Variants in DPP4 observed in about 807,000 individuals in gnomAD.
DPP4 encodes the protein dipeptidyl peptidase 4.
Under a neutral mutation model 122.4 loss-of-function variants are expected in DPP4, and 93 were observed. The ratio of observed to expected loss-of-function variants is 0.76; its 90% CI spans 0.64 to 0.90. The LOEUF is 0.90. Ranked by LOEUF, DPP4 falls within the 40% of genes least tolerant of loss-of-function variation. The pLI, the probability that DPP4 is intolerant of heterozygous loss-of-function variation, is 0.00. For synonymous variants in DPP4, 321 were observed against 302.9 expected (o/e 1.06, Z -0.62); for missense variants, 914 against 907.3 (o/e 1.01, Z -0.09).
At chr2:162,046,711 T>C (rs1201225573) in intron 4 of DPP4, 2 of 630,520 alleles carry the variant, frequency 3.2e-6, no homozygotes, top group South Asian at 3.0e-5. Flanking sequence ...CATTTAAAAA[T>C]ATGGGCAGAG....
intron 2 of DPP4, among the ~76,000 whole-genome samples, chr2:162,061,828 C>G (rs1444382196): frequency 2.0e-5 from 3 of 152,144 alleles, no homozygotes; most frequent in Non-Finnish European, 4.4e-5. Flanking sequence ...CCTTATGAAG[C>G]TTATATTTTA....
At chr2:162,071,905 A>C (rs1685130593) in intron 2 of DPP4, among the ~76,000 whole-genome samples, 1 of 152,116 alleles carries the variant, frequency 6.6e-6, no homozygotes, top group Non-Finnish European at 1.5e-5. Flanking sequence ...ATTCCTTCCA[A>C]CTTGCTTTAA....
intron 3 of DPP4, 53 bp downstream of exon 3, chr2:162,047,350 T>C (rs2106135606): frequency 1.9e-6 from 2 of 1,068,948 alleles, no homozygotes; most frequent in East Asian, 4.9e-5. Context: ...ACATCTCGAC[T>C]TAACTAGAAT....
intron 20 of DPP4, among the ~76,000 whole-genome samples, chr2:162,010,688 C>T (rs931003468): frequency 6.6e-6 from 1 of 152,100 alleles, no homozygotes; most frequent in Non-Finnish European, 1.5e-5. Flanking sequence ...ATATCAAAGC[C>T]TCACTCTCAA....
chr2:162,038,658 T>G (rs1159556691), intron 7 of DPP4, among the ~76,000 whole-genome samples: 1 of 152,082 alleles, frequency 6.6e-6, no homozygotes, highest in East Asian at 1.9e-4. Context: ...AGTACATAAC[T>G]ACCACTATTT....
rs769994552 is a variant in DPP4, at chr2:162,009,294, G to T, written c.1834C>A (p.Gln612Lys). 10 of 1,613,618 alleles carry T rather than the reference G, an allele frequency of 6.2e-6. No homozygotes were observed. The East Asian group carries it at 2.0e-4, about 32-fold the overall frequency. Residue 612 changes from glutamine (Q) to lysine (K), a missense_variant and splice_region_variant, in exon 21 of 26, where the codon CAA becomes AAA. Transcript: ENST00000360534. The stretch of plus-strand genomic sequence containing the variant: ...TCCACAAATCCCATTTTTGAAAATT[G>T]TCTAAAACACAAGGAAAAAGTCCAC... ...EVEDQIEAARQFSKMGFVDNK... is the reference protein window; with the variant it reads ...EVEDQIEAARKFSKMGFVDNK...
chr2:162,020,169 G>A (rs1455288239), intron 14 of DPP4, 60 bp downstream of exon 14: 4 of 1,428,782 alleles, frequency 2.8e-6, no homozygotes, highest in African/African-American at 1.4e-5. Flanking sequence ...CTACTTCTGG[G>A]CAAAGAGGGC....
At chr2:162,052,778 C>T (rs1684427085) in intron 2 of DPP4, among the ~76,000 whole-genome samples, 1 of 152,174 alleles carries the variant, frequency 6.6e-6, no homozygotes, top group Non-Finnish European at 1.5e-5. Flanking sequence ...TGGATAGAAC[C>T]TCGGTCTTCT....
At chr2:162,068,004 T>G (rs1685005508) in intron 2 of DPP4, among the ~76,000 whole-genome samples, 1 of 152,184 alleles carries the variant, frequency 6.6e-6, no homozygotes, top group Non-Finnish European at 1.5e-5. Flanking sequence ...GATATTAATA[T>G]ATCTCTCTAA....
chr2:162,052,984 C>A (rs1684434715), intron 2 of DPP4, among the ~76,000 whole-genome samples: 1 of 152,092 alleles, frequency 6.6e-6, no homozygotes, highest in African/African-American at 2.4e-5. Context: ...ACAAGGATAT[C>A]CGGCAGAAGA....
chr2:162,049,895 T>A (rs954805385), intron 2 of DPP4, among the ~76,000 whole-genome samples: 2 of 152,236 alleles, frequency 1.3e-5, no homozygotes, highest in African/African-American at 4.8e-5. Context: ...TTGATTTTAT[T>A]TAAACCTTGT....
In DPP4 at chr2:161,992,492, C is replaced by T. The variant is rs1700889400; in HGVS notation, c.*791G>A. 1 of 152,584 alleles carries T rather than the reference C, an allele frequency of 6.6e-6. No individual in the cohort carries two copies. The highest frequency in any genetic ancestry group is 2.1e-4 in the South Asian group (1 of 4,828). The allele number at this position is 152,584 out of a possible 1,614,324, so 9.5% of individuals were successfully genotyped here. A position where few individuals can be genotyped will look rare whatever the true frequency, so the allele number is the denominator to read the frequency against. On this transcript the variant is annotated 3_prime_UTR_variant, in exon 26 of 26. Transcript: ENST00000360534. ...TTTTAACAGGGCAAGCTGATGTGTT[C>T]ACATCTCAGTTTCAAGCTGCCTCTT...
chr2:162,019,713 T>C (rs528852688), intron 14 of DPP4, among the ~76,000 whole-genome samples: 2 of 151,910 alleles, frequency 1.3e-5, no homozygotes, highest in Non-Finnish European at 2.9e-5. Flanking sequence ...CTTCAAAAGC[T>C]ACTTCGGGCG....
At position 162,045,757 on chromosome 2, in the gene DPP4, C is replaced by T. The variant is rs1008823301; in HGVS notation, c.286-145G>A. 29 of 604,448 alleles carry T rather than the reference C, an allele frequency of 4.8e-5. No individual in the cohort carries two copies. The Admixed American group carries it at 7.1e-4, about 15-fold the overall frequency. 37.4% of individuals were successfully genotyped at this position (604,448 alleles called of 1,614,324 possible). On this transcript the variant is annotated intron_variant, in intron 4 of 25. Coordinates refer to ENST00000360534, the MANE Select transcript of DPP4 (RefSeq NM_001935.4). ...CTAGCAGAGGTGGCATATTCACCCA[C>T]ACAAATGACCGTGATGCAAGGTAGG...
chr2:162,020,808 C>A (rs1440131357), intron 12 of DPP4, 120 bp from the exon 13 acceptor site: 2 of 569,230 alleles, frequency 3.5e-6, no homozygotes, highest in South Asian at 3.8e-5. Flanking sequence ...CATTTATATG[C>A]CAAATTAAAA....
chr2:162,020,731 C>A, intron 12 of DPP4, 43 bp from the exon 13 acceptor site: 1 of 1,447,632 alleles, frequency 6.9e-7, no homozygotes, highest in African/African-American at 1.4e-5. Context: ...AGCACAGTGT[C>A]TCATCTCAGT....
At chr2:162,021,936 G>A (rs1355019869) in intron 12 of DPP4, among the ~76,000 whole-genome samples, 1 of 152,174 alleles carries the variant, frequency 6.6e-6, no homozygotes, top group Non-Finnish European at 1.5e-5. Flanking sequence ...TCTGAGCCCA[G>A]CTAGAAGGGG....
At chr2:162,001,926 C>T (rs1321190022) in intron 23 of DPP4, among the ~76,000 whole-genome samples, 1 of 152,168 alleles carries the variant, frequency 6.6e-6, no homozygotes, top group East Asian at 1.9e-4. Flanking sequence ...GGGGGATGAA[C>T]ATCTCCTTTC....
intron 16 of DPP4, 152 bp downstream of exon 16, chr2:162,018,577 A>C (rs1367714944): frequency 2.6e-5 from 26 of 1,012,844 alleles, no homozygotes; most frequent in Non-Finnish European, 3.6e-5. Context: ...AAGGGGAAGA[A>C]AAGATTGTTT....
Sources: gnomAD v4.1 joint callset for allele counts (sites outside exome capture counted in the v4.1 genomes callset) on GRCh38, gnomAD v4.1.1 for gene constraint, MANE v1.5 for transcripts, NCBI Gene and HGNC (gene_info 2026-07-23, HGNC 2026-07-21) for gene names.